Variants in PRKAB1 observed in about 807,000 individuals in gnomAD.
The protein encoded by PRKAB1 is 5'-AMP-activated protein kinase subunit beta-1.
A neutral mutation model predicts 32.0 loss-of-function variants in PRKAB1; 18 were observed. The observed-to-expected ratio is 0.56, with a 90% CI of 0.39 to 0.83. The LOEUF (loss-of-function observed/expected upper bound fraction) is 0.83. Among genes scored for constraint, PRKAB1 ranks in the 40% least tolerant of loss-of-function variants. PRKAB1 has a pLI of 0.00. For missense variants in PRKAB1, 263 were observed against 352.6 expected (o/e 0.75, Z 2.03); for synonymous variants, 141 against 141.4 (o/e 1.00, Z 0.02).
chr12:119,673,938 G>A (rs761408157), intron 2 of PRKAB1, 26 bp from the exon 3 acceptor site: 2 of 1,602,226 alleles, frequency 1.2e-6, no homozygotes, highest in Non-Finnish European at 1.7e-6. Context: ...CCCCACGGAA[G>A]TCCTCTGCTT....
chr12:119,670,703 C>G (rs540053271), intron 1 of PRKAB1, among the ~76,000 whole-genome samples: 1 of 152,326 alleles, frequency 6.6e-6, no homozygotes, highest in African/African-American at 2.4e-5. Flanking sequence ...CAAGCAGCGT[C>G]CATTCTCACT....
rs199606165 is a variant in PRKAB1 at position 119,672,422 on chromosome 12, C to T, written c.281C>T (p.Ser94Phe). ...GGGGGCGGAAAGGAAGTTTACTTAT[C>T]TGGGTCCTTCAACAACTGGAGTAAA... Reference protein sequence around the residue: ...WTGGGKEVYLSGSFNNWSKLP... With the variant: ...WTGGGKEVYLFGSFNNWSKLP... Residue 94 changes from serine (S) to phenylalanine (F), a missense_variant, in exon 2 of 7, where the codon TCT becomes TTT. Transcript: ENST00000229328. 1.9e-6 allele frequency: 3 copies of T among 1,606,232 alleles called. No homozygotes were observed. Among genetic ancestry groups the T allele is most frequent in the Admixed American group, 1.7e-5 (1 of 58,870 alleles).
At chr12:119,672,845 C>T (rs1310813920) in intron 2 of PRKAB1, among the ~76,000 whole-genome samples, 2 of 152,212 alleles carry the variant, frequency 1.3e-5, no homozygotes, top group Non-Finnish European at 2.9e-5. Context: ...TAACCTGAGC[C>T]TCAGCGTTCG....
At chr12:119,669,353 C>T (rs1255901623) in intron 1 of PRKAB1, 2 of 148,922 alleles carry the variant, frequency 1.3e-5, no homozygotes, top group Non-Finnish European at 3.0e-5. Context: ...CTGCAAGCTC[C>T]GCCTCCTAGG....
In PRKAB1 at chr12:119,679,235, T is replaced by A. The variant is rs2136860626; in HGVS notation, c.667-698T>A. On this transcript the variant is annotated intron_variant, in intron 5 of 6. Transcript: ENST00000229328. The surrounding 1 kb of genome is among the most constrained non-coding windows in gnomAD (Gnocchi z 4.1). ...CTGGTGCCAGATCCTTGGTAGTTGGTGCTCTCAGCAGCCACCCTGAATGGC... is the reference window on the plus strand; with the variant it reads ...CTGGTGCCAGATCCTTGGTAGTTGGAGCTCTCAGCAGCCACCCTGAATGGC... 6.6e-6 allele frequency: 1 copy of A among 152,386 alleles called. No individual in the cohort carries two copies. The highest frequency in any genetic ancestry group is 2.4e-5 in the African/African-American group (1 of 41,574). The allele number at this position is 152,386 out of a possible 1,614,324, so 9.4% of individuals were successfully genotyped here.
In PRKAB1 at chr12:119,669,116, C is replaced by A. The variant is rs1417063398; in HGVS notation, c.159+713C>A. 4.1e-5 allele frequency among the ~76,000 whole-genome samples: 6 copies of A among 145,416 alleles called. No individual in the cohort carries two copies. The Admixed American group carries it at 4.1e-4, about 10-fold the overall frequency. On this transcript the variant is annotated intron_variant, in intron 1 of 6. Coordinates refer to ENST00000229328, the MANE Select transcript of PRKAB1 (RefSeq NM_006253.5). ...TGGGCGACAGAGCTAGACTTCGTCT[C>A]AAAAAAAAAATATAAATAAAAATAA...
chr12:119,672,980 G>A (rs1296836259), intron 2 of PRKAB1, among the ~76,000 whole-genome samples: 2 of 152,228 alleles, frequency 1.3e-5, no homozygotes, highest in Non-Finnish European at 2.9e-5. Flanking sequence ...TATGATCTCA[G>A]CACTTTTGGG....
At position 119,668,420 on chromosome 12, in the gene PRKAB1, G is replaced by A. The variant is rs1955357368; in HGVS notation, c.159+17G>A. 6.2e-7 allele frequency: 1 copy of A among 1,611,204 alleles called. No homozygotes were observed. Among genetic ancestry groups the A allele is most frequent in the Admixed American group, 1.7e-5 (1 of 59,514 alleles). ...GAAATCAAGGTGCGAGCGGTGTGGAGGAACCCGATTCCCCTTGACTAATGT... is the reference window on the plus strand; with the variant it reads ...GAAATCAAGGTGCGAGCGGTGTGGAAGAACCCGATTCCCCTTGACTAATGT... On this transcript the variant is annotated intron_variant, in intron 1 of 6. Transcript: ENST00000229328.
intron 1 of PRKAB1, among the ~76,000 whole-genome samples, chr12:119,668,700 T>C (rs1309561505): frequency 6.6e-6 from 1 of 152,186 alleles, no homozygotes; most frequent in Admixed American, 6.5e-5. Context: ...TAATTCAGAG[T>C]CGAGCTAACA....
Position 119,674,262 on chromosome 12 carries a change from C to T in PRKAB1, c.418-78C>T. The T allele has an allele frequency of 8.0e-7, 1 of 1,255,140 alleles. No homozygotes were observed. The highest frequency in any genetic ancestry group is 1.1e-6 in the Non-Finnish European group (1 of 875,478). 77.8% of individuals were successfully genotyped at this position (1,255,140 alleles called of 1,614,324 possible). ...CTAGCCAGGAGATGAGGCCTTCCAG[C>T]CAGGAATTCCAAGTCCTCTGAAGAA... On this transcript the variant is annotated intron_variant, in intron 3 of 6. Transcript: ENST00000229328. This position sits in a 1 kb window ranked among gnomAD's most constrained non-coding sequence, Gnocchi z 4.3.
rs1955409084 is a variant in PRKAB1, at chr12:119,674,516, C to T, written c.532+62C>T. 3 of 1,185,160 alleles carry T rather than the reference C, an allele frequency of 2.5e-6. No individual in the cohort carries two copies. Among genetic ancestry groups the T allele is most frequent in the Non-Finnish European group, 3.6e-6 (3 of 823,250 alleles). 73.4% of individuals were successfully genotyped at this position (1,185,160 alleles called of 1,614,324 possible). A position where few individuals can be genotyped will look rare whatever the true frequency, so the allele number is the denominator to read the frequency against. ...GTGGGGGCTGTACAGTCTAGACATA[C>T]TCTTGTTTCTCTTGCCTCTCTTGAG... On this transcript the variant is annotated intron_variant, in intron 4 of 6. Transcript: ENST00000229328. The surrounding 1 kb of genome is among the most constrained non-coding windows in gnomAD (Gnocchi z 4.3).
chr12:119,668,826 T>C (rs1357778136), intron 1 of PRKAB1, among the ~76,000 whole-genome samples: 1 of 152,232 alleles, frequency 6.6e-6, no homozygotes, highest in African/African-American at 2.4e-5. Context: ...TTTGGGAATT[T>C]ATCCATTTTG....
At chr12:119,675,092 C>G (rs747988793) in intron 4 of PRKAB1, among the ~76,000 whole-genome samples, 8 of 152,236 alleles carry the variant, frequency 5.3e-5, no homozygotes, top group Non-Finnish European at 7.3e-5. Flanking sequence ...AAGAAACTAC[C>G]TGGAACATGA....
At chr12:119,669,246 C>CCACTGAACCCACCCTACT (rs1352706606) in intron 1 of PRKAB1, among the ~76,000 whole-genome samples, 5 of 151,062 alleles carry the variant, frequency 3.3e-5, no homozygotes, top group East Asian at 2.0e-4. Flanking sequence ...CAGGCGTGAG[C>CCACTGAACCCACCCTACT]TACGGTGCTG....
At chr12:119,675,602 G>A (rs1253170126) in intron 4 of PRKAB1, among the ~76,000 whole-genome samples, 3 of 152,146 alleles carry the variant, frequency 2.0e-5, no homozygotes, top group Non-Finnish European at 2.9e-5. Flanking sequence ...TCACTGATAC[G>A]AAGCTAATTC....
At chr12:119,670,416 G>C (rs997984970) in intron 1 of PRKAB1, among the ~76,000 whole-genome samples, 1 of 152,128 alleles carries the variant, frequency 6.6e-6, no homozygotes, top group Non-Finnish European at 1.5e-5. Flanking sequence ...ACTACAAAGA[G>C]GCTGCTTTTA....
intron 4 of PRKAB1, among the ~76,000 whole-genome samples, chr12:119,676,127 G>A (rs1380665563): frequency 6.6e-6 from 1 of 152,170 alleles, no homozygotes; most frequent in East Asian, 1.9e-4. Flanking sequence ...ATTGCGGCCG[G>A]GGGTGCCCAT....
intron 5 of PRKAB1, 75 bp downstream of exon 5, chr12:119,676,745 T>C: frequency 1.3e-6 from 2 of 1,536,134 alleles, no homozygotes; most frequent in Non-Finnish European, 1.8e-6. Context: ...TGTCCACCTC[T>C]TGCAAAGCAG....
intron 5 of PRKAB1, 141 bp downstream of exon 5, chr12:119,676,811 T>C: frequency 8.4e-7 from 1 of 1,196,120 alleles, no homozygotes; most frequent in South Asian, 1.7e-5. Flanking sequence ...TCACCTCTGC[T>C]GTGGGGATGG....
Sources: allele counts gnomAD v4.1 joint callset (sites outside exome capture counted in the v4.1 genomes callset), GRCh38; gene constraint gnomAD v4.1.1; non-coding constraint Gnocchi (gnomAD v3.1); transcripts MANE v1.5; gene names NCBI Gene and HGNC (gene_info 2026-07-23, HGNC 2026-07-21).